Variants in PDE4D observed in about 807,000 individuals in gnomAD.
PDE4D encodes the protein phosphodiesterase 4D, also known as 3',5'-cyclic-AMP phosphodiesterase 4D.
PDE4D carries 24 observed loss-of-function variants against 87.4 expected under a neutral mutation model. The ratio of observed to expected loss-of-function variants is 0.27; its 90% confidence interval spans 0.20 to 0.39. The LOEUF (loss-of-function observed/expected upper bound fraction) is 0.39. Ranked by LOEUF, PDE4D falls within the 10% of genes least tolerant of loss-of-function variation. PDE4D has a pLI of 1.00. For synonymous variants in PDE4D, 384 were observed against 383.2 expected (o/e 1.00, Z -0.02); for missense variants, 714 against 1,041.0 (o/e 0.69, Z 4.32).
chr5:59,987,009 T>G (rs1383366017), intron 3 of PDE4D: 1 of 152,232 alleles, frequency 6.6e-6, no homozygotes, highest in Non-Finnish European at 1.5e-5. Flanking sequence ...TCCTCCAGAT[T>G]TTGTTCCATC....
chr5:60,127,611 A>G, intron 2 of PDE4D: 1 of 534,156 alleles, frequency 1.9e-6, no homozygotes, highest in South Asian at 2.7e-5. Context: ...GATGAAGGTG[A>G]AGAATTGGAT....
chr5:59,811,097 G>A (rs1768300074), intron 1 of PDE4D, among the ~76,000 whole-genome samples: 1 of 152,210 alleles, frequency 6.6e-6, no homozygotes, highest in Admixed American at 6.5e-5. Context: ...AAAGCAGAGA[G>A]AAGGAAAGTG....
chr5:60,334,063 T>C (rs77367483), intron 1 of PDE4D, among the ~76,000 whole-genome samples: 2,965 of 152,304 alleles, frequency 0.019, 80 homozygotes, highest in African/African-American at 0.068. Context: ...CTGCCATAAC[T>C]GGATGTAGTC....
chr5:59,840,907 C>T (rs1278919109), intron 1 of PDE4D, among the ~76,000 whole-genome samples: 3 of 151,966 alleles, frequency 2.0e-5, no homozygotes, highest in African/African-American at 7.2e-5. Flanking sequence ...AAAATTGATT[C>T]TTGAAGAAAG....
At chr5:60,176,920 G>A (rs1004393944) in intron 2 of PDE4D, among the ~76,000 whole-genome samples, 7 of 152,106 alleles carry the variant, frequency 4.6e-5, no homozygotes, top group African/African-American at 1.7e-4. Flanking sequence ...AAAGGGCCTG[G>A]AAACCATGTA....
intron 1 of PDE4D, among the ~76,000 whole-genome samples, chr5:59,759,518 T>C (rs964453818): frequency 3.9e-5 from 6 of 152,260 alleles, no homozygotes; most frequent in African/African-American, 1.2e-4. Context: ...ATTGTCATAA[T>C]GTAATCCCTG....
chr5:60,249,443 C>G (rs967063408), intron 1 of PDE4D, among the ~76,000 whole-genome samples: 6 of 151,904 alleles, frequency 3.9e-5, no homozygotes, highest in African/African-American at 9.7e-5. Context: ...TACAGTTGGT[C>G]CAAGAGGACA....
intron 1 of PDE4D, among the ~76,000 whole-genome samples, chr5:60,436,035 G>A (rs1744733347): frequency 6.6e-6 from 1 of 152,078 alleles, no homozygotes; most frequent in Non-Finnish European, 1.5e-5. Flanking sequence ...CAAAAGTTCA[G>A]AGTAGATAAT....
In PDE4D at chr5:58,973,885, A is replaced by AAATC. The variant is rs1301750176; in HGVS notation, c.*775_*778dup. 6 of 152,678 alleles carry AAATC rather than the reference A, an allele frequency of 3.9e-5. No homozygotes were observed. The highest frequency in any genetic ancestry group is 2.1e-4 in the South Asian group (1 of 4,832). 9.5% of individuals were successfully genotyped at this position (152,678 alleles called of 1,614,324 possible). On this transcript the variant is annotated 3_prime_UTR_variant, in exon 15 of 15. Coordinates refer to ENST00000340635, the MANE Select transcript of PDE4D (RefSeq NM_001104631.2). ...TATAAAACAAACAATGAATCACTAC[A>AAATC]AATCAGTTAATTGCTATGAACTATA...
intron 1 of PDE4D, among the ~76,000 whole-genome samples, chr5:59,565,966 T>C (rs1820814804): frequency 6.6e-6 from 1 of 152,152 alleles, no homozygotes; most frequent in Non-Finnish European, 1.5e-5. Context: ...GGGAGTGCTT[T>C]TGCTAATGCC....
At position 59,487,812 on chromosome 5, in the gene PDE4D, C is replaced by T. The variant is rs1369736153; in HGVS notation, c.456-271844G>A. On this transcript the variant is annotated intron_variant, in intron 1 of 14. Coordinates refer to ENST00000340635, the MANE Select transcript of PDE4D (RefSeq NM_001104631.2). ...CAGACGTTAGGAGGAGAAATAGCTC[C>T]CTTCTAGCACTGAAAGCATCCAGTG... is the stretch of plus-strand genomic sequence containing the variant. 2.6e-5 allele frequency among the ~76,000 whole-genome samples: 4 copies of T among 152,098 alleles called. No homozygotes were observed. In the East Asian group the frequency reaches 7.7e-4, roughly 29 times the overall value.
intron 1 of PDE4D, among the ~76,000 whole-genome samples, chr5:59,364,926 C>T (rs1024482906): frequency 1.9e-4 from 29 of 151,876 alleles, no homozygotes; most frequent in African/African-American, 6.8e-4. Context: ...GCATGTTTAG[C>T]ATCACCTCAC....
At chr5:60,317,101 T>C (rs1028770750) in intron 1 of PDE4D, among the ~76,000 whole-genome samples, 2 of 152,204 alleles carry the variant, frequency 1.3e-5, no homozygotes, top group South Asian at 4.1e-4. Flanking sequence ...AATTCAGCTG[T>C]GAATCCATCT....
chr5:59,890,604 T>C (rs1581617040), intron 1 of PDE4D, among the ~76,000 whole-genome samples: 1 of 152,226 alleles, frequency 6.6e-6, no homozygotes, highest in Non-Finnish European at 1.5e-5. Flanking sequence ...AAACTTCACG[T>C]TGGTTTCATG....
rs1491523978 is a variant in PDE4D, at chr5:59,244,800, T to TAC, written c.456-28833_456-28832insGT. On this transcript the variant is annotated intron_variant, in intron 1 of 14. Transcript: ENST00000340635. ...ATAAAAATGTATATATATATATATATGTGTGTGTGTGAGCATGTTTGTGGG... is the reference window on the plus strand; with the variant it reads ...ATAAAAATGTATATATATATATATATACGTGTGTGTGTGAGCATGTTTGTGGG... 3.6e-4 allele frequency among the ~76,000 whole-genome samples: 53 copies of TAC among 146,808 alleles called. 1 individual carries two copies. Among genetic ancestry groups the TAC allele is most frequent in the African/African-American group, 1.3e-3 (51 of 38,002 alleles).
intron 5 of PDE4D, among the ~76,000 whole-genome samples, chr5:59,139,820 TA>T (rs1416391943): frequency 1.3e-5 from 2 of 151,892 alleles, no homozygotes; most frequent in South Asian, 2.1e-4. Flanking sequence ...CTAAAAAAAC[TA>T]AAAAACTGTC....
At chr5:59,137,256 T>A (rs527926748) in intron 5 of PDE4D, among the ~76,000 whole-genome samples, 148 of 152,290 alleles carry the variant, frequency 9.7e-4, no homozygotes, top group African/African-American at 3.4e-3. Context: ...TGGATTAGGA[T>A]TTCCAAAACT....
intron 11 of PDE4D, among the ~76,000 whole-genome samples, chr5:58,979,329 T>C (rs1368839307): frequency 6.6e-6 from 1 of 152,178 alleles, no homozygotes; most frequent in African/African-American, 2.4e-5. Context: ...AAGGATGCCT[T>C]AGTGGACTGG....
At chr5:60,336,157 C>G (rs770222448) in intron 1 of PDE4D, among the ~76,000 whole-genome samples, 1 of 152,130 alleles carries the variant, frequency 6.6e-6, no homozygotes, top group Non-Finnish European at 1.5e-5. Flanking sequence ...AAAGGTAAGA[C>G]TTATGGTAGT....
Sources: allele counts gnomAD v4.1 joint callset (sites outside exome capture counted in the v4.1 genomes callset), GRCh38; gene constraint gnomAD v4.1.1; transcripts MANE v1.5; gene names NCBI Gene and HGNC (gene_info 2026-07-23, HGNC 2026-07-21).